The following AFF3 variants were observed in gnomAD, a reference collection of about 807,000 sequenced individuals.
The protein encoded by AFF3 is AF4/FMR2 family member 3.
A neutral mutation model predicts 129.7 loss-of-function variants in AFF3; 32 were observed. The observed-to-expected ratio is 0.25, with a 90% CI of 0.19 to 0.33. The LOEUF (loss-of-function observed/expected upper bound fraction) is 0.33, where lower values mean the gene tolerates loss of function less well. Among genes scored for constraint, AFF3 ranks in the 10% least tolerant of loss-of-function variants. The pLI, the probability that AFF3 is intolerant of heterozygous loss-of-function variation, is 1.00. For synonymous variants in AFF3, 644 were observed against 635.4 expected (o/e 1.01, Z -0.20); for missense variants, 1,373 against 1,592.0 (o/e 0.86, Z 2.34).
At chr2:99,779,439 G>C (rs2105370426) in intron 8 of AFF3, among the ~76,000 whole-genome samples, 1 of 152,288 alleles carries the variant, frequency 6.6e-6, no homozygotes, top group East Asian at 1.9e-4. Context: ...ACATAGCAGT[G>C]TGGTGTTTCA....
chr2:99,995,981 T>C (rs1680801410), intron 7 of AFF3, among the ~76,000 whole-genome samples: 1 of 152,214 alleles, frequency 6.6e-6, no homozygotes, highest in South Asian at 2.1e-4. Context: ...AATTATAAAT[T>C]GGATGTCTAA....
At chr2:99,844,435 T>TTTC (rs1689568965) in intron 7 of AFF3, among the ~76,000 whole-genome samples, 1 of 15,462 alleles carries the variant, frequency 6.5e-5, no homozygotes, top group African/African-American at 1.6e-4. Flanking sequence ...TTTTCTTTTC[T>TTTC]TTTTTTTTTT....
chr2:100,015,281 C>T (rs1182256563), intron 4 of AFF3, among the ~76,000 whole-genome samples: 19 of 151,982 alleles, frequency 1.3e-4, no homozygotes, highest in Non-Finnish European at 8.8e-5. Context: ...CAGAGAAACA[C>T]TCTCCCCCTT....
At chr2:99,764,413 C>A (rs1199611030) in intron 8 of AFF3, among the ~76,000 whole-genome samples, 1 of 152,038 alleles carries the variant, frequency 6.6e-6, no homozygotes, top group Non-Finnish European at 1.5e-5. Flanking sequence ...CTGGAGAATT[C>A]TTGTTCTCGT....
intron 2 of AFF3, among the ~76,000 whole-genome samples, chr2:100,126,423 G>A (rs928869370): frequency 9.2e-5 from 14 of 152,194 alleles, no homozygotes; most frequent in Admixed American, 1.3e-4. Flanking sequence ...AAATAGATGT[G>A]GATGCACACA....
At chr2:99,662,719 C>T (rs1686354638) in intron 12 of AFF3, among the ~76,000 whole-genome samples, 1 of 152,290 alleles carries the variant, frequency 6.6e-6, no homozygotes, top group African/African-American at 2.4e-5. Flanking sequence ...GGAGAAACTT[C>T]ATTTTGGAGC....
At chr2:99,582,251 C>T (rs1677640809) in intron 17 of AFF3, among the ~76,000 whole-genome samples, 1 of 152,162 alleles carries the variant, frequency 6.6e-6, no homozygotes, top group South Asian at 2.1e-4. Flanking sequence ...GGCCCAAGAT[C>T]ACACTGCAGC....
At chr2:99,572,293 A>ACCCC (rs71376487) in intron 18 of AFF3, among the ~76,000 whole-genome samples, 9 of 43,242 alleles carry the variant, frequency 2.1e-4, no homozygotes, top group Non-Finnish European at 2.4e-4. Context: ...CCCTCCCACC[A>ACCCC]CCCCCCCCCC....
At chr2:99,862,365 G>C (rs974774461) in intron 7 of AFF3, among the ~76,000 whole-genome samples, 1 of 152,108 alleles carries the variant, frequency 6.6e-6, no homozygotes, top group Non-Finnish European at 1.5e-5. Flanking sequence ...TCTACTTACT[G>C]GGGCCAAAAT....
intron 4 of AFF3, among the ~76,000 whole-genome samples, chr2:100,029,885 C>T (rs114417408): frequency 0.023 from 3,526 of 152,028 alleles, 144 homozygotes; most frequent in African/African-American, 0.082. Context: ...AGCAACATGG[C>T]GAAACGCTGA....
intron 7 of AFF3, among the ~76,000 whole-genome samples, chr2:99,872,593 CAAAAATAAAA>C (rs1286806448): frequency 0.051 from 6,128 of 120,834 alleles, 242 homozygotes; most frequent in African/African-American, 0.15. Flanking sequence ...ATGCTTCTTA[CAAAAATAAAA>C]TAAAATAAAA....
At chr2:99,942,212 A>G (rs149642534) in intron 7 of AFF3, among the ~76,000 whole-genome samples, 450 of 152,268 alleles carry the variant, frequency 3.0e-3, no homozygotes, top group African/African-American at 9.5e-3. Context: ...CTGCTGGAGG[A>G]CACACTCAGG....
At chr2:99,786,777 A>C (rs1012319269) in intron 8 of AFF3, among the ~76,000 whole-genome samples, 1 of 152,192 alleles carries the variant, frequency 6.6e-6, no homozygotes, top group Non-Finnish European at 1.5e-5. Context: ...TGATGGATTC[A>C]ATGTGCCGTG....
chr2:99,803,512 A>T (rs1209808876), intron 8 of AFF3, among the ~76,000 whole-genome samples: 1 of 152,216 alleles, frequency 6.6e-6, no homozygotes, highest in African/African-American at 2.4e-5. Flanking sequence ...TGTGGCTCAA[A>T]GCAATCTACA....
chr2:100,011,587 A>G (rs1682553585), intron 4 of AFF3: 1 of 780,798 alleles, frequency 1.3e-6, no homozygotes. Flanking sequence ...AGAAATATAA[A>G]CACCACAAGA....
intron 7 of AFF3, among the ~76,000 whole-genome samples, chr2:99,902,129 A>G (rs1444839719): frequency 1.3e-5 from 2 of 151,750 alleles, no homozygotes; most frequent in African/African-American, 4.8e-5. Flanking sequence ...GATGTCTGAC[A>G]TATTTGGAAG....
intron 9 of AFF3, 57 bp from the exon 10 acceptor site, chr2:99,744,197 TA>T: frequency 1.3e-6 from 2 of 1,495,342 alleles, no homozygotes; most frequent in South Asian, 2.3e-5. Context: ...AAATCCAAGT[TA>T]AACATGAGAT....
chr2:99,824,074 C>T (rs1207829040), intron 8 of AFF3, among the ~76,000 whole-genome samples: 1 of 152,116 alleles, frequency 6.6e-6, no homozygotes, highest in Admixed American at 6.5e-5. Flanking sequence ...CCATGTACCC[C>T]CCAATCTAAA....
intron 20 of AFF3, among the ~76,000 whole-genome samples, chr2:99,560,666 CAGT>C (rs1464209393): frequency 6.6e-6 from 1 of 152,174 alleles, no homozygotes; most frequent in African/African-American, 2.4e-5. Context: ...TGCTCTTTAA[CAGT>C]ACAAGTTCAA....
Sources: allele counts gnomAD v4.1 joint callset (sites outside exome capture counted in the v4.1 genomes callset), GRCh38; gene constraint gnomAD v4.1.1; transcripts MANE v1.5; gene names NCBI Gene and HGNC (gene_info 2026-07-23, HGNC 2026-07-21).